The following JPH2 variants were observed in gnomAD, a reference collection of about 807,000 sequenced individuals.
JPH2 encodes junctophilin 2.
In JPH2, 38 loss-of-function variants were observed where a neutral mutation model predicts 55.9. That is an observed-to-expected ratio of 0.68 (90% CI 0.52 to 0.89). The LOEUF (loss-of-function observed/expected upper bound fraction) is 0.89. Ranked by LOEUF, JPH2 falls within the 40% of genes least tolerant of loss-of-function variation. JPH2 has a pLI of 0.00. For missense variants in JPH2, 964 were observed against 1,037.6 expected, an observed-to-expected ratio of 0.93 and a Z score of 0.97; for synonymous variants, 480 against 472.4, an observed-to-expected ratio of 1.02 and a Z score of -0.21.
At chr20:44,132,609 CCTGT>C (rs992573240) in intron 2 of JPH2, among the ~76,000 whole-genome samples, 4 of 151,346 alleles carry the variant, frequency 2.6e-5, no homozygotes, top group African/African-American at 7.3e-5. Flanking sequence ...CCTCTTCCTG[CCTGT>C]CTGTCTCCTC....
chr20:44,175,599 C>G (rs2072727680), intron 1 of JPH2, among the ~76,000 whole-genome samples: 1 of 152,164 alleles, frequency 6.6e-6, no homozygotes, highest in South Asian at 2.1e-4. Flanking sequence ...GACCAGCTCC[C>G]AGGAGCAGGG....
chr20:44,143,459 T>C (rs2072472918), intron 2 of JPH2, among the ~76,000 whole-genome samples: 1 of 152,204 alleles, frequency 6.6e-6, no homozygotes, highest in Non-Finnish European at 1.5e-5. Context: ...CTTCACCCTC[T>C]GCCGCTTGGG....
At chr20:44,138,802 T>C (rs112264773) in intron 2 of JPH2, among the ~76,000 whole-genome samples, 4 of 152,360 alleles carry the variant, frequency 2.6e-5, no homozygotes, top group African/African-American at 9.6e-5. Context: ...TAGATTTGTA[T>C]TTATGGTAAT....
In JPH2 at chr20:44,159,772, C is replaced by T. The variant is rs368290474; in HGVS notation, c.1015G>A (p.Gly339Ser). Residue 339 changes from glycine to serine, a missense_variant, in exon 2 of 6, where the codon GGC (glycine) becomes AGC (serine). Coordinates refer to ENST00000372980, the MANE Select transcript of JPH2 (RefSeq NM_020433.5). This position sits in a 1 kb window ranked among gnomAD's most constrained non-coding sequence, Gnocchi z 5.7. ...TTLPDGHREE[G>S]KYRHNVLVKD... ...ACCAGCACGTTGTGGCGGTACTTGCCCTCCTCGCGGTGGCCGTCGGGCAGC... is the reference window on the plus strand; with the variant it reads ...ACCAGCACGTTGTGGCGGTACTTGCTCTCCTCGCGGTGGCCGTCGGGCAGC... 5.2e-5 allele frequency: 84 copies of T among 1,613,514 alleles called. No individual in the cohort carries two copies. The African/African-American group carries it at 1.0e-3, about 19-fold the overall frequency.
rs1442222987 is a variant in JPH2 at position 44,159,779 on chromosome 20, G to T, written c.1008C>A (p.Arg336=). The change falls in exon 2 of 6, where the codon CGC becomes CGA. Residue 336 remains arginine (R), a synonymous_variant. Coordinates refer to ENST00000372980, the MANE Select transcript of JPH2 (RefSeq NM_020433.5). This position sits in a 1 kb window ranked among gnomAD's most constrained non-coding sequence, Gnocchi z 5.7. ...YGCTTLPDGH[R]EEGKYRHNVL... ...CGTTGTGGCGGTACTTGCCCTCCTC[G>T]CGGTGGCCGTCGGGCAGCGTGGTGC... The T allele has an allele frequency of 1.2e-6, 2 of 1,613,298 alleles. No individual in the cohort carries two copies. The highest frequency in any genetic ancestry group is 1.7e-5 in the Admixed American group (1 of 60,014).
chr20:44,132,437 C>G, intron 2 of JPH2, among the ~76,000 whole-genome samples: 1 of 150,986 alleles, frequency 6.6e-6, no homozygotes, highest in South Asian at 2.1e-4. Flanking sequence ...CCCCATCTCC[C>G]CCCCTTGCCC....
At chr20:44,139,188 G>A (rs1357374052) in intron 2 of JPH2, among the ~76,000 whole-genome samples, 1 of 152,326 alleles carries the variant, frequency 6.6e-6, no homozygotes, top group Non-Finnish European at 1.5e-5. Context: ...AGTGCTCCAG[G>A]AAATGGAGAA....
At chr20:44,144,647 C>G (rs2072481011) in intron 2 of JPH2, among the ~76,000 whole-genome samples, 1 of 152,172 alleles carries the variant, frequency 6.6e-6, no homozygotes, top group Non-Finnish European at 1.5e-5. Context: ...GAGAGACTTT[C>G]CCTCCCCACC....
At chr20:44,142,384 G>A (rs971943687) in intron 2 of JPH2, among the ~76,000 whole-genome samples, 14 of 152,056 alleles carry the variant, frequency 9.2e-5, no homozygotes, top group African/African-American at 3.1e-4. Flanking sequence ...ATCCATCCCC[G>A]CCGCCTCCCC....
intron 1 of JPH2, among the ~76,000 whole-genome samples, chr20:44,171,493 A>G (rs1378404575): frequency 6.6e-6 from 1 of 152,124 alleles, no homozygotes; most frequent in African/African-American, 2.4e-5. Flanking sequence ...TAGAAGGATG[A>G]AGTTCAAGCT....
intron 2 of JPH2, among the ~76,000 whole-genome samples, chr20:44,150,316 G>T (rs1214801920): frequency 1.3e-5 from 2 of 152,088 alleles, no homozygotes; most frequent in Admixed American, 6.5e-5. Context: ...AAAACATTTA[G>T]AAATAAATTT....
At chr20:44,156,160 G>A (rs920802664) in intron 2 of JPH2, among the ~76,000 whole-genome samples, 4 of 152,192 alleles carry the variant, frequency 2.6e-5, no homozygotes, top group Non-Finnish European at 4.4e-5. Context: ...AAATCCTGAA[G>A]CAGGAAGAAG....
chr20:44,120,722 C>T (rs1308451691), intron 2 of JPH2, among the ~76,000 whole-genome samples: 1 of 152,092 alleles, frequency 6.6e-6, no homozygotes, highest in African/African-American at 2.4e-5. Context: ...CTAACACTAA[C>T]GATAGCTGAT....
Position 44,116,112 on chromosome 20 carries a change from G to T in JPH2, c.1563C>A (p.Ser521Arg). 6.8e-7 allele frequency: 1 copy of T among 1,479,054 alleles called. No individual in the cohort carries two copies. Among genetic ancestry groups the T allele is most frequent in the Non-Finnish European group, 8.9e-7 (1 of 1,126,322 alleles). The allele number at this position is 1,479,054 out of a possible 1,614,324, so 91.6% of individuals were successfully genotyped here. A position where few individuals can be genotyped will look rare whatever the true frequency, so the allele number is the denominator to read the frequency against. Reference sequence around the variant, plus strand: ...CGCCCTCGGACGGAGTGACTGACCGGCTGCCCTCACCGCTGGGCTCGCCGT... The same window carrying T: ...CGCCCTCGGACGGAGTGACTGACCGTCTGCCCTCACCGCTGGGCTCGCCGT... Reference protein sequence around the residue: ...AWNGEPSGEGSRSVTPSEGAG... With the variant: ...AWNGEPSGEGRRSVTPSEGAG... Residue 521 changes from serine to arginine, a missense_variant, in exon 4 of 6, where the codon AGC becomes AGA. By Grantham distance (110) the Ser-to-Arg change is moderately radical. Transcript: ENST00000372980.
At chr20:44,135,520 TG>T (rs913291983) in intron 2 of JPH2, among the ~76,000 whole-genome samples, 24 of 152,214 alleles carry the variant, frequency 1.6e-4, no homozygotes, top group African/African-American at 5.5e-4. Context: ...TCACCCTGAC[TG>T]CCAGCTCTCT....
In JPH2 at chr20:44,160,332, G is replaced by A. The variant is rs868619268; in HGVS notation, c.455C>T (p.Ala152Val). The A allele has an allele frequency of 1.3e-6, 2 of 1,575,798 alleles. No individual in the cohort carries two copies. The highest frequency in any genetic ancestry group is 1.7e-6 in the Non-Finnish European group (2 of 1,161,428). The change falls in exon 2 of 6, where the codon GCC becomes GTC. Residue 152 changes from alanine (A) to valine (V), a missense_variant. Physicochemically the swap from Ala to Val is moderately conservative, Grantham distance 64. Coordinates refer to ENST00000372980, the MANE Select transcript of JPH2 (RefSeq NM_020433.5). The surrounding 1 kb of genome is among the most constrained non-coding windows in gnomAD (Gnocchi z 4.9). ...GCGCAGCGGCGAGCGCACCACCACGGCCATCCCGTAGGGCACGCTCTGGCG... is the reference window on the plus strand; with the variant it reads ...GCGCAGCGGCGAGCGCACCACCACGACCATCCCGTAGGGCACGCTCTGGCG... ...GVRQSVPYGMAVVVRSPLRTS... is the reference protein window; with the variant it reads ...GVRQSVPYGMVVVVRSPLRTS...
At chr20:44,114,100 G>A (rs1253319866) in intron 5 of JPH2, among the ~76,000 whole-genome samples, 2 of 152,184 alleles carry the variant, frequency 1.3e-5, no homozygotes, top group Admixed American at 1.3e-4. Flanking sequence ...ATTTTGTCTT[G>A]TAGATGCTTC....
intron 1 of JPH2, among the ~76,000 whole-genome samples, chr20:44,166,468 C>A (rs1003521457): frequency 6.6e-6 from 1 of 152,238 alleles, no homozygotes; most frequent in African/African-American, 2.4e-5. Flanking sequence ...ATTAAATCAA[C>A]CAACCTACCT....
In JPH2 at chr20:44,110,588, C is replaced by T. The variant is rs556725270; in HGVS notation, c.*2930G>A. 1.3e-5 allele frequency among the ~76,000 whole-genome samples: 2 copies of T among 152,202 alleles called. No homozygotes were observed. Among genetic ancestry groups the T allele is most frequent in the African/African-American group, 2.4e-5 (1 of 41,524 alleles). ...TACAGGTACGCGCCACCACACTTGG[C>T]TAATTTTTGTATTTTCTTTTTTAGT... is the stretch of plus-strand genomic sequence containing the variant. On this transcript the variant is annotated 3_prime_UTR_variant, in exon 6 of 6. Transcript: ENST00000372980.
Sources: allele counts gnomAD v4.1 joint callset (sites outside exome capture counted in the v4.1 genomes callset), GRCh38; gene constraint gnomAD v4.1.1; non-coding constraint Gnocchi (gnomAD v3.1); transcripts MANE v1.5; gene names NCBI Gene and HGNC (gene_info 2026-07-23, HGNC 2026-07-21).